CSDC2: variants seen among roughly 807,000 people sequenced by gnomAD.
CSDC2 encodes the protein cold shock domain containing C2.
Under a neutral mutation model 15.8 loss-of-function variants are expected in CSDC2, and 8 were observed. The observed-to-expected ratio is 0.51, with a 90% CI of 0.30 to 0.92. CSDC2 has a LOEUF of 0.92. CSDC2 is among the 40% of genes least tolerant of loss of function. The pLI is 0.07. For synonymous variants in CSDC2, 96 were observed against 92.3 expected (o/e 1.04, Z -0.23); for missense variants, 195 against 213.3 (o/e 0.91, Z 0.53).
At chr22:41,564,101 A>G (rs1473265532) in intron 1 of CSDC2, among the ~76,000 whole-genome samples, 2 of 139,366 alleles carry the variant, frequency 1.4e-5, no homozygotes, top group African/African-American at 2.7e-5. Context: ...AAAAAAAAAA[A>G]AGAAGAAGAA....
chr22:41,570,717 G>A (rs1329540070), intron 1 of CSDC2, among the ~76,000 whole-genome samples: 1 of 151,676 alleles, frequency 6.6e-6, no homozygotes, highest in Non-Finnish European at 1.5e-5. Flanking sequence ...AGCTACTTGG[G>A]AGGTTGAGGC....
At position 41,572,025 on chromosome 22, in the gene CSDC2, A is replaced by T. The variant is rs2067147738; in HGVS notation, c.60A>T (p.Pro20=). ...VVPPLHSPKS[P]VWPTFPFHRE... is the part of the protein sequence containing the mutation. The stretch of plus-strand genomic sequence containing the variant: ...CCCCGCTCCACTCCCCCAAGTCCCC[A>T]GTCTGGCCCACCTTCCCCTTCCACA... Residue 20 remains proline, a synonymous_variant, in exon 2 of 4, where the codon CCA becomes CCT. Coordinates refer to ENST00000306149, the MANE Select transcript of CSDC2 (RefSeq NM_014460.4). The T allele has an allele frequency of 7.5e-7, 1 of 1,339,390 alleles. No individual in the cohort carries two copies. Among genetic ancestry groups the T allele is most frequent in the Non-Finnish European group, 9.6e-7 (1 of 1,042,848 alleles). The allele number at this position is 1,339,390 out of a possible 1,614,324, so 83.0% of individuals were successfully genotyped here.
At chr22:41,568,369 G>A (rs2067127728) in intron 1 of CSDC2, among the ~76,000 whole-genome samples, 1 of 151,820 alleles carries the variant, frequency 6.6e-6, no homozygotes, top group African/African-American at 2.4e-5. Flanking sequence ...CTGCAGCCTC[G>A]ACCTCCTGGG....
intron 1 of CSDC2, among the ~76,000 whole-genome samples, chr22:41,568,344 C>T (rs1345309625): frequency 2.6e-5 from 4 of 151,956 alleles, no homozygotes; most frequent in Non-Finnish European, 4.4e-5. Context: ...ACTGCAGAGG[C>T]GTGATCTCCG....
At chr22:41,562,156 G>A (rs1363681404) in intron 1 of CSDC2, among the ~76,000 whole-genome samples, 1 of 152,092 alleles carries the variant, frequency 6.6e-6, no homozygotes, top group Non-Finnish European at 1.5e-5. Context: ...CAACCTCTCT[G>A]AGAGCCTGGC....
At position 41,574,073 on chromosome 22, in the gene CSDC2, G is replaced by A. The variant is rs376826965; in HGVS notation, c.299+296G>A. ...TCCTGAGCCTCTTGGCCTGGAAAGG[G>A]CCTTCATGTGGGTGGGCCAGGAGGT... On this transcript the variant is annotated intron_variant, in intron 3 of 3. Transcript: ENST00000306149. 3.3e-5 allele frequency among the ~76,000 whole-genome samples: 5 copies of A among 152,176 alleles called. No homozygotes were observed. In the East Asian group the frequency reaches 5.8e-4, roughly 18 times the overall value.
rs66884544 is a variant in CSDC2 at position 41,568,134 on chromosome 22, C to CTTTTTTTTTTTTTTTTTTTTTT, written c.-123-3701_-123-3700insTTTTTTTTTTTTTTTTTTTTTT. 1.8e-5 allele frequency among the ~76,000 whole-genome samples: 2 copies of CTTTTTTTTTTTTTTTTTTTTTT among 109,554 alleles called. 1 individual carries two copies. The highest frequency in any genetic ancestry group is 7.0e-5 in the African/African-American group (2 of 28,458). 71.9% of individuals were successfully genotyped at this position (109,554 alleles called of 152,430 possible). On this transcript the variant is annotated intron_variant, in intron 1 of 3. Transcript: ENST00000306149. ...GAGTCTTTTTTTTCTCTCTCCCTCT[C>CTTTTTTTTTTTTTTTTTTTTTT]TTTTTTTTGAGACTGGGTCTTGCTC...
At chr22:41,561,752 C>T (rs1307632526) in intron 1 of CSDC2, among the ~76,000 whole-genome samples, 1 of 152,196 alleles carries the variant, frequency 6.6e-6, no homozygotes, top group Non-Finnish European at 1.5e-5. Flanking sequence ...TCTCTTCCCC[C>T]AGGTACCACC....
rs1032681126 is a variant in CSDC2 at position 41,574,950 on chromosome 22, C to G, written c.*55C>G. 2 of 1,532,994 alleles carry G rather than the reference C, an allele frequency of 1.3e-6. No homozygotes were observed. The highest frequency in any genetic ancestry group is 1.8e-6 in the Non-Finnish European group (2 of 1,137,872). The allele number at this position is 1,532,994 out of a possible 1,614,324, so 95.0% of individuals were successfully genotyped here. On this transcript the variant is annotated 3_prime_UTR_variant, in exon 4 of 4. Coordinates refer to ENST00000306149, the MANE Select transcript of CSDC2 (RefSeq NM_014460.4). ...GGGTTGGGGAGCCACACAGGGTGAA[C>G]GGGCAGCAGCCGGCTCCATGCCCCA...
chr22:41,570,585 G>A (rs999339029), intron 1 of CSDC2, among the ~76,000 whole-genome samples: 1 of 152,072 alleles, frequency 6.6e-6, no homozygotes, highest in Non-Finnish European at 1.5e-5. Context: ...ATTTTGGGAG[G>A]CCGAGGGAGG....
rs752344571 is a variant in CSDC2, at chr22:41,573,647, A to G, written c.177-8A>G. The G allele has an allele frequency of 1.2e-6, 2 of 1,608,700 alleles. No homozygotes were observed. The highest frequency in any genetic ancestry group is 1.3e-5 in the African/African-American group (1 of 74,642). On this transcript the variant is annotated splice_region_variant and splice_polypyrimidine_tract_variant and intron_variant, in intron 2 of 3. Coordinates refer to ENST00000306149, the MANE Select transcript of CSDC2 (RefSeq NM_014460.4). ...GCCACAGCTCCAATCCCACTACCCT[A>G]TCTCCAGGACAGCCCGGGCCTCAGC...
rs368902725 is a variant in CSDC2, at chr22:41,573,354, CA to C, written c.177-286del. Among the ~76,000 whole-genome samples, 400 of 137,756 alleles carry C rather than the reference CA, an allele frequency of 2.9e-3. 1 individual carries two copies. The highest frequency in any genetic ancestry group is 7.6e-3 in the Middle Eastern group (2 of 264). The allele number at this position is 137,756 out of a possible 152,430, so 90.4% of individuals were successfully genotyped here. A position where few individuals can be genotyped will look rare whatever the true frequency, so the allele number is the denominator to read the frequency against. Reference sequence around the variant, plus strand: ...TGGGTGACAGAGAAAGACCCTGTCTCAAAAAAAAAAAAAAATTTTTTTTGTA... The same window carrying C: ...TGGGTGACAGAGAAAGACCCTGTCTCAAAAAAAAAAAAAATTTTTTTTGTA... On this transcript the variant is annotated intron_variant, in intron 2 of 3. Transcript: ENST00000306149.
Position 41,574,890 on chromosome 22 carries a change from TC to T in CSDC2, c.459del (p.Ter154ArgfsTer111). 1 of 1,589,936 alleles carries T rather than the reference TC, an allele frequency of 6.3e-7. No homozygotes were observed. The highest frequency in any genetic ancestry group is 1.3e-5 in the African/African-American group (1 of 74,420). On this transcript the variant is annotated frameshift_variant, in exon 4 of 4. Coordinates refer to ENST00000306149, the MANE Select transcript of CSDC2 (RefSeq NM_014460.4). LOFTEE classifies it high-confidence loss of function. ...HETWSGQVVG[S>X] ...GACGTGGTCTGGCCAGGTCGTGGGC[TC>T]CTAGGCTGAGTGGTTCACAGGCCAG...
chr22:41,572,074 C>A lies in CSDC2; in HGVS notation c.109C>A (p.Arg37=). The change falls in exon 2 of 4, where the codon CGG becomes AGG. Residue 37 remains arginine (R), a synonymous_variant. Transcript: ENST00000306149. ...CAGGGAGGGCAGCAGGGTCTGGGAG[C>A]GGGGTGGTGTCCCACCTCGGGACCT... ...FHREGSRVWE[R]GGVPPRDLPS... 1 of 1,361,322 alleles carries A rather than the reference C, an allele frequency of 7.3e-7. No homozygotes were observed. 84.3% of individuals were successfully genotyped at this position (1,361,322 alleles called of 1,614,324 possible).
At position 41,561,037 on chromosome 22, in the gene CSDC2, C is replaced by CACACACAG. The variant is rs1287804483; in HGVS notation, c.-262_-255dup. 1.1e-3 allele frequency: 131 copies of CACACACAG among 124,206 alleles called. No homozygotes were observed. The highest frequency in any genetic ancestry group is 4.2e-3 in the African/African-American group (129 of 30,806). The allele number at this position is 124,206 out of a possible 1,614,324, so 7.7% of individuals were successfully genotyped here. ...GGGGCTGAGGTACCGCCCGCGCGAGCACACACAGACACACACACACACACA... is the reference window on the plus strand; with the variant it reads ...GGGGCTGAGGTACCGCCCGCGCGAGCACACACAGACACACAGACACACACACACACACA... On this transcript the variant is annotated 5_prime_UTR_variant, in exon 1 of 4. Transcript: ENST00000306149.
chr22:41,564,598 G>A (rs1026477643), intron 1 of CSDC2, among the ~76,000 whole-genome samples: 2 of 152,114 alleles, frequency 1.3e-5, no homozygotes, highest in Admixed American at 6.5e-5. Flanking sequence ...TGTTCCCCCC[G>A]CTGGACTGGG....
chr22:41,571,746 A>T, intron 1 of CSDC2, 97 bp from the exon 2 acceptor site: 1 of 379,146 alleles, frequency 2.6e-6, no homozygotes, highest in Non-Finnish European at 4.7e-6. Context: ...TAACGCCGTG[A>T]GGATAGCAGG....
intron 1 of CSDC2, among the ~76,000 whole-genome samples, chr22:41,564,320 C>T (rs577848629): frequency 1.3e-5 from 2 of 151,718 alleles, no homozygotes; most frequent in African/African-American, 2.4e-5. Flanking sequence ...AGTGCAGTGG[C>T]GCGATCTCGG....
rs1555895782 is a variant in CSDC2, at chr22:41,561,047, C to CACACACAG, written c.-253_-252insGACACACA. The CACACACAG allele has an allele frequency of 9.3e-6, 1 of 108,082 alleles. No homozygotes were observed. Among genetic ancestry groups the CACACACAG allele is most frequent in the Admixed American group, 8.4e-5 (1 of 11,918 alleles). 6.7% of individuals were successfully genotyped at this position (108,082 alleles called of 1,614,324 possible). A position where few individuals can be genotyped will look rare whatever the true frequency, so the allele number is the denominator to read the frequency against. On this transcript the variant is annotated 5_prime_UTR_variant, in exon 1 of 4. Transcript: ENST00000306149. ...TACCGCCCGCGCGAGCACACACAGA[C>CACACACAG]ACACACACACACACACACACACACA...
Sources: gnomAD v4.1 joint callset for allele counts (sites outside exome capture counted in the v4.1 genomes callset) on GRCh38, gnomAD v4.1.1 for gene constraint, MANE v1.5 for transcripts, NCBI Gene and HGNC (gene_info 2026-07-23, HGNC 2026-07-21) for gene names.